The following DSP variants were observed in gnomAD, a reference collection of about 807,000 sequenced individuals.
DSP encodes the protein desmoplakin.
In DSP, 114 loss-of-function variants were observed where a neutral mutation model predicts 290.6. The observed-to-expected ratio is 0.39, with a 90% CI of 0.34 to 0.46. DSP has a LOEUF of 0.46. DSP is among the 20% of genes least tolerant of loss of function. The pLI is 0.99. For synonymous variants in DSP, 1,311 were observed against 1,316.4 expected (o/e 1.00, Z 0.09); for missense variants, 3,230 against 3,495.8 (o/e 0.92, Z 1.92).
chr6:7,543,221 G>T (rs1435974969), intron 1 of DSP, among the ~76,000 whole-genome samples: 1 of 152,146 alleles, frequency 6.6e-6, no homozygotes, highest in East Asian at 1.9e-4. Flanking sequence ...CTGAGCGCCG[G>T]GACGTTATTT....
chr6:7,562,522 T>G, intron 4 of DSP, 130 bp from the exon 5 acceptor site: 1 of 1,530,820 alleles, frequency 6.5e-7, no homozygotes, highest in Non-Finnish European at 9.0e-7. Flanking sequence ...TAAAAAATAT[T>G]CTGGCTTCAA....
chr6:7,562,476 T>C, intron 4 of DSP, 176 bp from the exon 5 acceptor site: 1 of 1,044,360 alleles, frequency 9.6e-7, no homozygotes. Flanking sequence ...TTGAGGGAAG[T>C]ATTTGGCAAC....
intron 3 of DSP, 127 bp from the exon 4 acceptor site, chr6:7,559,099 T>C: frequency 9.0e-7 from 1 of 1,109,222 alleles, no homozygotes; most frequent in South Asian, 1.4e-5. Context: ...AAAAAAAATC[T>C]TCAAATACCA....
In DSP at chr6:7,585,110, G is replaced by A. The variant is rs148798300; in HGVS notation, c.7848G>A (p.Ser2616=). Reference sequence around the variant, plus strand: ...CTTTTTCAGACACCCTGGAAGAATCGAGCCCCATTGCAGCCATCTTTGACA... The same window carrying A: ...CTTTTTCAGACACCCTGGAAGAATCAAGCCCCATTGCAGCCATCTTTGACA... ...SSSFSDTLEE[S]SPIAAIFDTE... is the part of the protein sequence containing the mutation. The change falls in exon 24 of 24, where the codon TCG becomes TCA. Residue 2616 remains serine, a synonymous_variant. Transcript: ENST00000379802. 4.5e-5 allele frequency: 72 copies of A among 1,613,956 alleles called. No individual in the cohort carries two copies. The African/African-American group carries it at 8.9e-4, about 20-fold the overall frequency.
chr6:7,542,658 G>A (rs1419309250), intron 1 of DSP, among the ~76,000 whole-genome samples: 2 of 152,246 alleles, frequency 1.3e-5, no homozygotes, highest in African/African-American at 4.8e-5. Context: ...CCGGCGGCGC[G>A]GGGTCCTGTC....
chr6:7,570,459 A>T lies in DSP; in HGVS notation c.1597A>T (p.Ile533Phe). 6.2e-7 allele frequency: 1 copy of T among 1,614,162 alleles called. No homozygotes were observed. The highest frequency in any genetic ancestry group is 8.5e-7 in the Non-Finnish European group (1 of 1,180,028). Residue 533 changes from isoleucine to phenylalanine, a missense_variant, in exon 13 of 24, where the codon ATC (isoleucine) becomes TTC (phenylalanine). Coordinates refer to ENST00000379802, the MANE Select transcript of DSP (RefSeq NM_004415.4). Reference sequence around the variant, plus strand: ...TAGGATTGAGCAGTACTACGAAGCCATCTTGGCTCTGTGGAACCAGCTCTA... The same window carrying T: ...TAGGATTGAGCAGTACTACGAAGCCTTCTTGGCTCTGTGGAACCAGCTCTA... ...SCKIEQYYEAILALWNQLYIN... is the reference protein window; with the variant it reads ...SCKIEQYYEAFLALWNQLYIN...
rs989348634 is a variant in DSP at position 7,579,932 on chromosome 6, G to C, written c.3742G>C (p.Asp1248His). The change falls in exon 23 of 24, where the codon GAT becomes CAT. Residue 1248 changes from aspartate to histidine, a missense_variant. Around this residue, in one of 5 missense-constraint regions of DSP, gnomAD observed 1,714 missense variants for 1,844.5 expected, o/e 0.93. Transcript: ENST00000379802. This position sits in a 1 kb window ranked among gnomAD's most constrained non-coding sequence, Gnocchi z 4.1. ...QLDRLSRENR[D>H]LKDEIVRLND... ...TGATAGACTTTCAAGGGAAAATCGA[G>C]ATCTGAAGGATGAAATTGTCAGGCT... 2 of 1,614,126 alleles carry C rather than the reference G, an allele frequency of 1.2e-6. No homozygotes were observed. Among genetic ancestry groups the C allele is most frequent in the Non-Finnish European group, 1.7e-6 (2 of 1,180,024 alleles).
chr6:7,580,693 A>C lies in DSP; in HGVS notation c.4503A>C (p.Glu1501Asp), dbSNP rs2113694253. 1 of 1,614,088 alleles carries C rather than the reference A, an allele frequency of 6.2e-7. No homozygotes were observed. The highest frequency in any genetic ancestry group is 2.2e-5 in the East Asian group (1 of 44,886). ...DKETNDRKCL[E>D]DENARLQRVQ... ...AAACAAATGACCGGAAATGCCTGGA[A>C]GATGAAAACGCGAGATTACAAAGGG... Residue 1501 changes from glutamate to aspartate, a missense_variant, in exon 23 of 24, where the codon GAA (glutamate) becomes GAC (aspartate). Transcript: ENST00000379802. The surrounding 1 kb of genome is among the most constrained non-coding windows in gnomAD (Gnocchi z 4.2).
intron 20 of DSP, 131 bp from the exon 21 acceptor site, chr6:7,577,645 CACT>C: frequency 2.5e-6 from 2 of 797,684 alleles, no homozygotes; most frequent in Non-Finnish European, 4.4e-6. Context: ...GTTGCTTGGC[CACT>C]AGTGGCGCAA....
chr6:7,542,667 TC>T (rs1758035914), intron 1 of DSP, among the ~76,000 whole-genome samples: 1 of 152,028 alleles, frequency 6.6e-6, no homozygotes, highest in Non-Finnish European at 1.5e-5. Context: ...CGGGGTCCTG[TC>T]CCGAGGAGGC....
rs762930286 is a variant in DSP at position 7,580,308 on chromosome 6, C to T, written c.4118C>T (p.Thr1373Ile). Residue 1373 changes from threonine (T) to isoleucine (I), a missense_variant, in exon 23 of 24, where the codon ACC becomes ATC. By Grantham distance (89) the Thr-to-Ile change is moderately conservative (BLOSUM62 -1). This residue lies in a region of DSP where 1,714 missense variants were observed against 1,844.5 expected (regional missense o/e 0.93). Transcript: ENST00000379802. The surrounding 1 kb of genome is among the most constrained non-coding windows in gnomAD (Gnocchi z 4.2). ...KNQFETEINITKTTIHQLTMQ... is the reference protein window; with the variant it reads ...KNQFETEINIIKTTIHQLTMQ... Reference sequence around the variant, plus strand: ...CAGTTTGAGACCGAGATCAACATCACCAAGACCACCATCCACCAGCTCACC... The same window carrying T: ...CAGTTTGAGACCGAGATCAACATCATCAAGACCACCATCCACCAGCTCACC... 17 of 1,613,926 alleles carry T rather than the reference C, an allele frequency of 1.1e-5. No homozygotes were observed. The highest frequency in any genetic ancestry group is 1.4e-5 in the Non-Finnish European group (16 of 1,179,940).
intron 10 of DSP, 112 bp from the exon 11 acceptor site, chr6:7,568,325 G>A (rs1488525290): frequency 5.0e-6 from 6 of 1,199,168 alleles, no homozygotes; most frequent in Admixed American, 1.9e-5. Flanking sequence ...TACAATTGAT[G>A]CAACTGCAGT....
intron 20 of DSP, among the ~76,000 whole-genome samples, chr6:7,577,566 G>T (rs1759278093): frequency 6.6e-6 from 1 of 152,138 alleles, no homozygotes; most frequent in South Asian, 2.1e-4. Context: ...GATCTCAGGG[G>T]ATCTGCCCGG....
Position 7,585,307 on chromosome 6 carries a change from A to C in DSP, c.8045A>C (p.Gln2682Pro). ...QDAVSQGVID[Q>P]DMATRLKPAQ... ...GCAGTCTCCCAGGGTGTGATTGACC[A>C]AGACATGGCCACCAGGCTGAAGCCT... The change falls in exon 24 of 24, where the codon CAA becomes CCA. Residue 2682 changes from glutamine (Q) to proline (P), a missense_variant. Physicochemically the swap from Gln to Pro is moderately conservative, Grantham distance 76. Around this residue, in one of 5 missense-constraint regions of DSP, gnomAD observed 582 missense variants for 555.4 expected, o/e 1.05. Transcript: ENST00000379802. The C allele has an allele frequency of 6.2e-7, 1 of 1,614,164 alleles. No individual in the cohort carries two copies. The highest frequency in any genetic ancestry group is 2.2e-5 in the East Asian group (1 of 44,874).
intron 5 of DSP, 123 bp downstream of exon 5, chr6:7,562,903 G>A (rs1758747222): frequency 1.4e-6 from 2 of 1,434,116 alleles, no homozygotes; most frequent in South Asian, 1.2e-5. Flanking sequence ...GACTGGAAAT[G>A]TTTAGAAATC....
chr6:7,568,670 A>T, intron 11 of DSP, 81 bp downstream of exon 11: 5 of 1,472,076 alleles, frequency 3.4e-6, no homozygotes, highest in Non-Finnish European at 3.8e-6. Flanking sequence ...GCAACATTTA[A>T]TCTAGAGTTC....
At chr6:7,578,020 G>A (rs1387525530) in intron 21 of DSP, 134 bp downstream of exon 21, 3 of 741,258 alleles carry the variant, frequency 4.0e-6, no homozygotes, top group Non-Finnish European at 7.0e-6. Flanking sequence ...TCCCATTACA[G>A]GGTACCACTT....
intron 1 of DSP, among the ~76,000 whole-genome samples, chr6:7,554,606 A>T (rs2744375): frequency 0.16 from 24,250 of 151,968 alleles, 2,163 homozygotes; most frequent in African/African-American, 0.23. Context: ...CATGATTTTT[A>T]AAAAAAACAT....
chr6:7,571,612 AT>A (rs765205588), intron 14 of DSP, 28 bp downstream of exon 14: 1 of 1,613,498 alleles, frequency 6.2e-7, no homozygotes. Flanking sequence ...TTCTCTTTGT[AT>A]CAACCATCCA....
Sources: allele counts gnomAD v4.1 joint callset (sites outside exome capture counted in the v4.1 genomes callset), GRCh38; gene constraint gnomAD v4.1.1; regional missense constraint gnomAD v4.1.1; non-coding constraint Gnocchi (gnomAD v3.1); transcripts MANE v1.5; gene names NCBI Gene and HGNC (gene_info 2026-07-23, HGNC 2026-07-21).